GOPC: variants seen among roughly 807,000 people sequenced by gnomAD.
GOPC encodes Golgi-associated PDZ and coiled-coil motif-containing protein.
A neutral mutation model predicts 51.2 loss-of-function variants in GOPC; 32 were observed. The ratio of observed to expected loss-of-function variants is 0.63; its 90% CI spans 0.47 to 0.84. GOPC has a LOEUF of 0.84. GOPC is among the 40% of genes least tolerant of loss of function. The pLI, the probability that GOPC is intolerant of heterozygous loss-of-function variation, is 0.00. For missense variants in GOPC, 441 were observed against 555.5 expected, an observed-to-expected ratio of 0.79 and a Z score of 2.07; for synonymous variants, 190 against 205.1, an observed-to-expected ratio of 0.93 and a Z score of 0.63.
intron 1 of GOPC, among the ~76,000 whole-genome samples, chr6:117,594,527 T>A (rs1484962007): frequency 6.6e-6 from 1 of 152,166 alleles, no homozygotes; most frequent in East Asian, 1.9e-4. Flanking sequence ...CATGACTACA[T>A]CCCTTTTTTG....
chr6:117,569,648 T>G lies in GOPC; in HGVS notation c.1001A>C (p.Asp334Ala). Reference sequence around the variant, plus strand: ...AACTCCGTTGACTGCCAAAATAGCATCCCCAACGTGCAGCCCTCCGCATCT... The same window carrying G: ...AACTCCGTTGACTGCCAAAATAGCAGCCCCAACGTGCAGCCCTCCGCATCT... ...ADRCGGLHVG[D>A]AILAVNGVNL... The change falls in exon 7 of 9, where the codon GAT (aspartate) becomes GCT (alanine). Residue 334 changes from aspartate to alanine, a missense_variant. Transcript: ENST00000368498. The G allele has an allele frequency of 1.2e-6, 2 of 1,613,114 alleles. No individual in the cohort carries two copies. The highest frequency in any genetic ancestry group is 2.2e-5 in the South Asian group (2 of 90,790).
chr6:117,584,532 C>T (rs1780003127), intron 1 of GOPC, among the ~76,000 whole-genome samples: 1 of 152,096 alleles, frequency 6.6e-6, no homozygotes, highest in Non-Finnish European at 1.5e-5. Context: ...TAAAGAGATG[C>T]ACAGAATAAG....
chr6:117,593,280 C>G lies in GOPC; in HGVS notation c.285+8724G>C, dbSNP rs1174355484. ...AAAAAAGCCATCAGACAGAAACTTC[C>G]ACAACCTCCTACTGTCTGCTCCCAT... On this transcript the variant is annotated intron_variant, in intron 1 of 8. Transcript: ENST00000368498. 2.0e-5 allele frequency among the ~76,000 whole-genome samples: 3 copies of G among 151,554 alleles called. No individual in the cohort carries two copies. In the East Asian group the frequency reaches 5.8e-4, roughly 29 times the overall value.
At chr6:117,565,051 TTAG>T (rs1266642353) in intron 8 of GOPC, among the ~76,000 whole-genome samples, 2 of 152,166 alleles carry the variant, frequency 1.3e-5, no homozygotes, top group Non-Finnish European at 2.9e-5. Flanking sequence ...GTTTCCCATA[TTAG>T]TAGGTAAAAT....
At chr6:117,573,669 A>G (rs1207116446) in intron 4 of GOPC, 37 bp from the exon 5 acceptor site, 2 of 1,555,992 alleles carry the variant, frequency 1.3e-6, no homozygotes, top group Admixed American at 1.8e-5. Flanking sequence ...ATTTTTCATT[A>G]TATTCACTAC....
At position 117,602,506 on chromosome 6, in the gene GOPC, A is replaced by T. The variant is rs1772037603; in HGVS notation, c.-218T>A. ...GCGGCGACACACGGAAGACTCAGTC[A>T]GTCCCACCTCCCAGCCTGCCCCCGC... On this transcript the variant is annotated 5_prime_UTR_variant, in exon 1 of 9. Coordinates refer to ENST00000368498, the MANE Select transcript of GOPC (RefSeq NM_020399.4). 1 of 582,948 alleles carries T rather than the reference A, an allele frequency of 1.7e-6. No homozygotes were observed. Among genetic ancestry groups the T allele is most frequent in the Non-Finnish European group, 3.1e-6 (1 of 327,582 alleles). 36.1% of individuals were successfully genotyped at this position (582,948 alleles called of 1,614,324 possible).
intron 1 of GOPC, among the ~76,000 whole-genome samples, chr6:117,587,876 T>C (rs989317750): frequency 4.6e-5 from 7 of 151,810 alleles, no homozygotes; most frequent in African/African-American, 1.7e-4. Context: ...ATGTTTTGTT[T>C]TACTTTTTTT....
chr6:117,588,819 T>TA (rs918269190), intron 1 of GOPC, among the ~76,000 whole-genome samples: 243 of 143,030 alleles, frequency 1.7e-3, no homozygotes, highest in African/African-American at 3.6e-3. Flanking sequence ...TAACCCACAT[T>TA]AAAAAAAAAA....
chr6:117,601,954 ACCGGGCAG>A (rs1234545598), intron 1 of GOPC, 42 bp downstream of exon 1: 1 of 1,591,486 alleles, frequency 6.3e-7, no homozygotes, highest in Admixed American at 1.7e-5. Flanking sequence ...ATCTGACGCC[ACCGGGCAG>A]CCTGGGGTTG....
chr6:117,593,996 C>T (rs1023389833), intron 1 of GOPC, among the ~76,000 whole-genome samples: 2 of 152,182 alleles, frequency 1.3e-5, no homozygotes, highest in Admixed American at 6.5e-5. Context: ...TCATTCATGT[C>T]ATTCTCTGCA....
rs1314100225 is a variant in GOPC at position 117,566,853 on chromosome 6, C to A, written c.1258+1G>T. 1.9e-6 allele frequency: 3 copies of A among 1,540,274 alleles called. No homozygotes were observed. Among genetic ancestry groups the A allele is most frequent in the Non-Finnish European group, 2.6e-6 (3 of 1,146,404 alleles). ...ATAATAATTTTTAGAGTGATTTTTA[C>A]CTTGTAATACTTTGATTTCCCCACT... is the stretch of plus-strand genomic sequence containing the variant. On this transcript the variant is annotated splice_donor_variant, in intron 8 of 8. Transcript: ENST00000368498. LOFTEE classifies it high-confidence loss of function.
rs1779578589 is a variant in GOPC, at chr6:117,561,238, A to G, written c.*2016T>C. 1 of 223,652 alleles carries G rather than the reference A, an allele frequency of 4.5e-6. No homozygotes were observed. The highest frequency in any genetic ancestry group is 8.9e-6 in the Non-Finnish European group (1 of 111,984). The allele number at this position is 223,652 out of a possible 1,614,324, so 13.9% of individuals were successfully genotyped here. A position where few individuals can be genotyped will look rare whatever the true frequency, so the allele number is the denominator to read the frequency against. On this transcript the variant is annotated 3_prime_UTR_variant, in exon 9 of 9. Coordinates refer to ENST00000368498, the MANE Select transcript of GOPC (RefSeq NM_020399.4). ...ACACAATTCTTCAAATTACACAGTG[A>G]CCTCATAAAAATTCCAACTTGAAGT... is the stretch of plus-strand genomic sequence containing the variant.
chr6:117,567,318 T>G (rs1052923182), intron 7 of GOPC, among the ~76,000 whole-genome samples: 1 of 152,220 alleles, frequency 6.6e-6, no homozygotes, highest in African/African-American at 2.4e-5. Context: ...TGCTTAATTA[T>G]TAAATTTATA....
intron 1 of GOPC, among the ~76,000 whole-genome samples, chr6:117,581,443 T>C (rs572384596): frequency 1.4e-5 from 2 of 141,938 alleles, no homozygotes; most frequent in East Asian, 4.1e-4. Context: ...AAAATACCTA[T>C]TTAACTATCA....
In GOPC at chr6:117,573,514, T is replaced by G. The variant is rs1335053845; in HGVS notation, c.769A>C (p.Arg257=). ...HRHKTVIRAC[R]GRNDLKRPMQ... ...GGTCGTTTCAAGTCATTACGTCCTC[T>G]GCAGGCTCGGATCACAGTTTTGTGA... is the stretch of plus-strand genomic sequence containing the variant. The change falls in exon 5 of 9, where the codon AGA becomes CGA. Residue 257 remains arginine, a synonymous_variant. Transcript: ENST00000368498. The G allele has an allele frequency of 6.2e-7, 1 of 1,614,138 alleles. No individual in the cohort carries two copies. Among genetic ancestry groups the G allele is most frequent in the Admixed American group, 1.7e-5 (1 of 60,006 alleles).
intron 8 of GOPC, among the ~76,000 whole-genome samples, chr6:117,566,452 C>T (rs920510410): frequency 2.6e-5 from 4 of 152,096 alleles, no homozygotes; most frequent in African/African-American, 9.7e-5. Flanking sequence ...CATAAGGTGA[C>T]AGTATACTTC....
chr6:117,596,926 G>T (rs1780205673), intron 1 of GOPC, among the ~76,000 whole-genome samples: 1 of 152,110 alleles, frequency 6.6e-6, no homozygotes, highest in Admixed American at 6.5e-5. Context: ...TGTGAAGAAT[G>T]ATGGTGGTAT....
At chr6:117,578,410 G>C (rs1477057396) in intron 2 of GOPC, among the ~76,000 whole-genome samples, 1 of 152,098 alleles carries the variant, frequency 6.6e-6, no homozygotes, top group African/African-American at 2.4e-5. Context: ...AAGAAATCCT[G>C]AGGATGGAAA....
chr6:117,564,719 AAAGG>A (rs1450671255), intron 8 of GOPC, among the ~76,000 whole-genome samples: 1 of 152,204 alleles, frequency 6.6e-6, no homozygotes, highest in African/African-American at 2.4e-5. Flanking sequence ...GTTACAAAAA[AAAGG>A]AAGAGACAGG....
Sources: gnomAD v4.1 joint callset for allele counts (sites outside exome capture counted in the v4.1 genomes callset) on GRCh38, gnomAD v4.1.1 for gene constraint, MANE v1.5 for transcripts, NCBI Gene and HGNC (gene_info 2026-07-23, HGNC 2026-07-21) for gene names.